Variants in PRKCA observed in about 807,000 individuals in gnomAD.
The protein encoded by PRKCA is protein kinase C alpha type.
PRKCA carries 27 observed loss-of-function variants against 87.0 expected under a neutral mutation model. The observed-to-expected ratio is 0.31, with a 90% CI of 0.23 to 0.43. The LOEUF is 0.43. Among genes scored for constraint, PRKCA ranks in the 20% least tolerant of loss-of-function variants. PRKCA has a pLI of 1.00. For missense variants in PRKCA, 518 were observed against 852.3 expected, an observed-to-expected ratio of 0.61 and a Z score of 4.88; for synonymous variants, 329 against 311.1, an observed-to-expected ratio of 1.06 and a Z score of -0.61.
At chr17:66,726,344 C>T (rs984883807) in intron 8 of PRKCA, among the ~76,000 whole-genome samples, 5 of 152,132 alleles carry the variant, frequency 3.3e-5, no homozygotes, top group African/African-American at 1.2e-4. Flanking sequence ...GTTGGAAATT[C>T]CAGAGAAACC....
intron 2 of PRKCA, among the ~76,000 whole-genome samples, chr17:66,473,213 C>T (rs1915398399): frequency 1.3e-5 from 2 of 152,196 alleles, no homozygotes; most frequent in Non-Finnish European, 2.9e-5. Flanking sequence ...GTCTTTGTAG[C>T]TCTGGTGCTT....
At chr17:66,682,204 A>T (rs1972511841) in intron 5 of PRKCA, among the ~76,000 whole-genome samples, 1 of 152,218 alleles carries the variant, frequency 6.6e-6, no homozygotes, top group Admixed American at 6.5e-5. Context: ...TCTTATTTGA[A>T]TGGGCTTTAT....
In PRKCA at chr17:66,788,901, A is replaced by G; in HGVS notation, c.1776A>G (p.Arg592=). Residue 592 remains arginine, a synonymous_variant, in exon 16 of 17, where the codon AGA becomes AGG. Transcript: ENST00000413366. ...GGCCTGAGGGGGAGAGGGACGTGAG[A>G]GAGCATGCCTTCTTCCGGAGGATCG... The part of the protein sequence containing the change: ...GCGPEGERDV[R]EHAFFRRIDW... 1.9e-6 allele frequency: 3 copies of G among 1,614,136 alleles called. No individual in the cohort carries two copies. Among genetic ancestry groups the G allele is most frequent in the Non-Finnish European group, 1.7e-6 (2 of 1,180,002 alleles).
intron 10 of PRKCA, among the ~76,000 whole-genome samples, chr17:66,736,710 C>T (rs1365510963): frequency 3.9e-5 from 6 of 152,238 alleles, no homozygotes; most frequent in Admixed American, 2.6e-4. Context: ...GTGGCCTATT[C>T]TCTATGGCTT....
intron 3 of PRKCA, among the ~76,000 whole-genome samples, chr17:66,568,717 C>G (rs1968973530): frequency 6.6e-6 from 1 of 152,122 alleles, no homozygotes; most frequent in African/African-American, 2.4e-5. Context: ...ATCATTTCCT[C>G]ATGTTCCATG....
chr17:66,404,399 C>T (rs1225585675), intron 2 of PRKCA, among the ~76,000 whole-genome samples: 2 of 152,194 alleles, frequency 1.3e-5, no homozygotes, highest in Non-Finnish European at 1.5e-5. Flanking sequence ...GGGAAAGCTT[C>T]CTATGATAAT....
intron 6 of PRKCA, among the ~76,000 whole-genome samples, chr17:66,687,795 G>A (rs1390638560): frequency 2.0e-5 from 3 of 152,210 alleles, no homozygotes; most frequent in East Asian, 1.9e-4. Flanking sequence ...AGAAGGGGAA[G>A]AAGGAAGGAG....
At chr17:66,549,287 A>T (rs1431229292) in intron 3 of PRKCA, among the ~76,000 whole-genome samples, 2 of 152,092 alleles carry the variant, frequency 1.3e-5, no homozygotes, top group Non-Finnish European at 2.9e-5. Flanking sequence ...GCTCGGATGC[A>T]TGCTCAGTCC....
intron 2 of PRKCA, 27 bp downstream of exon 2, chr17:66,306,154 T>C: frequency 6.2e-7 from 1 of 1,602,972 alleles, no homozygotes; most frequent in Non-Finnish European, 8.5e-7. Flanking sequence ...GGTTTTATTT[T>C]CAAGCACAAC....
chr17:66,562,893 G>A (rs1326074970), intron 3 of PRKCA, among the ~76,000 whole-genome samples: 1 of 152,132 alleles, frequency 6.6e-6, no homozygotes, highest in Non-Finnish European at 1.5e-5. Context: ...ACTGTGCCTG[G>A]CCAGCTTGAT....
chr17:66,573,531 C>T (rs9905990), intron 3 of PRKCA, among the ~76,000 whole-genome samples: 70,595 of 151,976 alleles, frequency 0.46, 16,858 homozygotes, highest in African/African-American at 0.58. Context: ...CTGTTTTCTT[C>T]TAATTATAAA....
intron 2 of PRKCA, among the ~76,000 whole-genome samples, chr17:66,357,974 A>C (rs1351526325): frequency 6.7e-6 from 1 of 150,218 alleles, no homozygotes; most frequent in Non-Finnish European, 1.5e-5. Context: ...AGAGTAACAA[A>C]AATTATGGAA....
chr17:66,774,402 C>A, intron 14 of PRKCA: 52 of 1,092,256 alleles, frequency 4.8e-5, no homozygotes, highest in Non-Finnish European at 5.9e-5. Flanking sequence ...AGGCGGATCG[C>A]CTGAGGTCAG....
chr17:66,619,402 C>G (rs1003676266), intron 3 of PRKCA, among the ~76,000 whole-genome samples: 5 of 151,438 alleles, frequency 3.3e-5, no homozygotes, highest in Admixed American at 6.6e-5. Flanking sequence ...TTAAGAACTT[C>G]TAAACATGAG....
chr17:66,647,652 T>C (rs1971489596), intron 5 of PRKCA, among the ~76,000 whole-genome samples: 1 of 152,172 alleles, frequency 6.6e-6, no homozygotes, highest in South Asian at 2.1e-4. Context: ...GTGGCACAGG[T>C]ACACAGGTGG....
At chr17:66,595,627 T>C (rs2143566082) in intron 3 of PRKCA, among the ~76,000 whole-genome samples, 1 of 151,834 alleles carries the variant, frequency 6.6e-6, no homozygotes, top group South Asian at 2.1e-4. Context: ...GCCCAGCCAA[T>C]TTTTTTTGTA....
At chr17:66,533,733 G>C (rs539639215) in intron 3 of PRKCA, among the ~76,000 whole-genome samples, 3 of 152,248 alleles carry the variant, frequency 2.0e-5, no homozygotes, top group African/African-American at 7.2e-5. Context: ...CGTTCCTTTT[G>C]CGAGTTTCCT....
At chr17:66,488,986 G>C (rs1916101949) in intron 2 of PRKCA, among the ~76,000 whole-genome samples, 1 of 152,212 alleles carries the variant, frequency 6.6e-6, no homozygotes, top group African/African-American at 2.4e-5. Context: ...TTGCCTTAGA[G>C]ATTTTCCTTT....
In PRKCA at chr17:66,554,212, G is replaced by C. The variant is rs73996248; in HGVS notation, c.288+57929G>C. ...GGGAGAATTGCTCTAGACCAGCTTG[G>C]GCAACATCGTGTGACCCCGTCTCTA... On this transcript the variant is annotated intron_variant, in intron 3 of 16. Coordinates refer to ENST00000413366, the MANE Select transcript of PRKCA (RefSeq NM_002737.3). Among the ~76,000 whole-genome samples the C allele has an allele frequency of 9.8e-3, 1,484 of 150,986 alleles. 25 individuals are homozygous for C. Among genetic ancestry groups the C allele is most frequent in the African/African-American group, 0.034 (1,383 of 41,058 alleles).
Sources: gnomAD v4.1 joint callset for allele counts (sites outside exome capture counted in the v4.1 genomes callset) on GRCh38, gnomAD v4.1.1 for gene constraint, MANE v1.5 for transcripts, NCBI Gene and HGNC (gene_info 2026-07-23, HGNC 2026-07-21) for gene names.